KIAA1549L: variants seen among roughly 807,000 people sequenced by gnomAD.
The protein encoded by KIAA1549L is KIAA1549 like, also known as UPF0606 protein KIAA1549L.
A neutral mutation model predicts 160.7 loss-of-function variants in KIAA1549L; 88 were observed. The observed-to-expected ratio is 0.55, with a 90% CI of 0.46 to 0.65. The LOEUF is 0.65. Among genes scored for constraint, KIAA1549L ranks in the 30% least tolerant of loss-of-function variants. The pLI, the probability that KIAA1549L is intolerant of heterozygous loss-of-function variation, is 0.00. For synonymous variants in KIAA1549L, 950 were observed against 976.7 expected, an observed-to-expected ratio of 0.97 and a Z score of 0.51; for missense variants, 2,258 against 2,437.5, an observed-to-expected ratio of 0.93 and a Z score of 1.55.
chr11:33,622,099 T>C (rs1296371958), intron 16 of KIAA1549L, among the ~76,000 whole-genome samples: 1 of 152,182 alleles, frequency 6.6e-6, no homozygotes, highest in Admixed American at 6.5e-5. Flanking sequence ...GATTCATTGG[T>C]GCATCTCAAA....
intron 1 of KIAA1549L, among the ~76,000 whole-genome samples, chr11:33,448,691 T>A (rs576088932): frequency 6.6e-6 from 1 of 152,224 alleles, no homozygotes; most frequent in Admixed American, 6.5e-5. Context: ...AGTGCTTTTC[T>A]GTGACCTCTG....
At chr11:33,592,885 A>C (rs1850098694) in intron 12 of KIAA1549L, among the ~76,000 whole-genome samples, 1 of 152,228 alleles carries the variant, frequency 6.6e-6, no homozygotes, top group African/African-American at 2.4e-5. Context: ...GGAATGTACG[A>C]AACAGATGGA....
At chr11:33,577,095 G>A (rs1393476196) in intron 10 of KIAA1549L, among the ~76,000 whole-genome samples, 1 of 152,208 alleles carries the variant, frequency 6.6e-6, no homozygotes, top group Non-Finnish European at 1.5e-5. Flanking sequence ...TGGGAGGAGA[G>A]TGTGGGGTTC....
intron 1 of KIAA1549L, among the ~76,000 whole-genome samples, chr11:33,535,673 C>G (rs534113849): frequency 7.9e-5 from 12 of 151,774 alleles, no homozygotes; most frequent in African/African-American, 1.5e-4. Flanking sequence ...CCCTGTCCCC[C>G]CTCCAAAAAA....
At chr11:33,496,007 G>T (rs1852809853) in intron 1 of KIAA1549L, among the ~76,000 whole-genome samples, 1 of 152,280 alleles carries the variant, frequency 6.6e-6, no homozygotes, top group African/African-American at 2.4e-5. Context: ...CTGTCGCCCA[G>T]GCTGGAGTGC....
intron 1 of KIAA1549L, among the ~76,000 whole-genome samples, chr11:33,435,961 T>A (rs1393277704): frequency 1.5e-4 from 18 of 116,152 alleles, no homozygotes; most frequent in South Asian, 2.7e-4. Context: ...CTAAAATATC[T>A]AAAAAAAAAA....
intron 1 of KIAA1549L, among the ~76,000 whole-genome samples, chr11:33,522,314 C>T (rs543696928): frequency 2.0e-5 from 3 of 152,178 alleles, no homozygotes; most frequent in East Asian, 3.9e-4. Flanking sequence ...ATATTAATGG[C>T]GTTAGACTTC....
Position 33,672,113 on chromosome 11 carries a change from A to G in KIAA1549L, c.*3959A>G, listed in dbSNP as rs529029183. On this transcript the variant is annotated 3_prime_UTR_variant, in exon 21 of 21. Coordinates refer to ENST00000658780, the MANE Select transcript of KIAA1549L (RefSeq NM_012194.3). ...CAAACACAGAACACGGCTCCCCTAC[A>G]GGAAAGGGATGGAGACAGCTACCTT... 74 of 152,384 alleles carry G rather than the reference A, an allele frequency of 4.9e-4. No individual in the cohort carries two copies. The highest frequency in any genetic ancestry group is 1.7e-3 in the African/African-American group (69 of 41,586). The allele number at this position is 152,384 out of a possible 1,614,324, so 9.4% of individuals were successfully genotyped here.
intron 1 of KIAA1549L, among the ~76,000 whole-genome samples, chr11:33,402,345 T>G (rs1850519954): frequency 6.6e-6 from 1 of 152,202 alleles, no homozygotes; most frequent in Non-Finnish European, 1.5e-5. Flanking sequence ...TTCTGTCTCC[T>G]TAATGTTTCC....
intron 1 of KIAA1549L, among the ~76,000 whole-genome samples, chr11:33,408,392 A>G (rs1850712521): frequency 6.6e-6 from 1 of 151,464 alleles, no homozygotes; most frequent in Non-Finnish European, 1.5e-5. Flanking sequence ...GCAAAATTGG[A>G]TTCAGTGATA....
In KIAA1549L at chr11:33,660,371, T is replaced by C. The variant is rs571335530; in HGVS notation, c.6008-492T>C. Among the ~76,000 whole-genome samples the C allele has an allele frequency of 1.2e-4, 18 of 151,922 alleles. No homozygotes were observed. The South Asian group carries it at 3.5e-3, about 30-fold the overall frequency. ...GGCAGGCGGATCACAAGGTCAGGAG[T>C]TCGAGACCACGGTGAAACCCCATCT... On this transcript the variant is annotated intron_variant, in intron 19 of 20. Coordinates refer to ENST00000658780, the MANE Select transcript of KIAA1549L (RefSeq NM_012194.3).
chr11:33,476,777 A>G (rs969427694), intron 1 of KIAA1549L, among the ~76,000 whole-genome samples: 8 of 152,206 alleles, frequency 5.3e-5, no homozygotes, highest in African/African-American at 1.9e-4. Flanking sequence ...GCACCCTATT[A>G]CAAATAAACT....
At chr11:33,435,357 A>G (rs1336581318) in intron 1 of KIAA1549L, among the ~76,000 whole-genome samples, 2 of 152,208 alleles carry the variant, frequency 1.3e-5, no homozygotes, top group Non-Finnish European at 2.9e-5. Flanking sequence ...CTTTATAGAA[A>G]GACAGTAAAA....
intron 1 of KIAA1549L, among the ~76,000 whole-genome samples, chr11:33,489,957 A>AT (rs980788032): frequency 3.3e-5 from 5 of 152,228 alleles, no homozygotes; most frequent in African/African-American, 1.2e-4. Context: ...ATACATTCTC[A>AT]TAATAATCTT....
chr11:33,605,771 A>C (rs568405326), intron 13 of KIAA1549L, among the ~76,000 whole-genome samples: 150 of 152,358 alleles, frequency 9.8e-4, no homozygotes, highest in African/African-American at 3.6e-3. Flanking sequence ...TAGTTGTTTG[A>C]ATAGGCTTAA....
Position 33,508,352 on chromosome 11 carries a change from G to A in KIAA1549L, c.239-33450G>A, listed in dbSNP as rs180964681. The stretch of plus-strand genomic sequence containing the variant: ...CACAGATAAGGGACCTCAGGCACTG[G>A]CCTCTTCTCTTTCCCCTTCCTTGTC... On this transcript the variant is annotated intron_variant, in intron 1 of 20. Transcript: ENST00000658780. 6.6e-5 allele frequency among the ~76,000 whole-genome samples: 10 copies of A among 152,286 alleles called. No homozygotes were observed. In the East Asian group the frequency reaches 1.9e-3, roughly 29 times the overall value.
rs186461733 is a variant in KIAA1549L at position 33,527,293 on chromosome 11, C to T, written c.239-14509C>T. 1.1e-3 allele frequency among the ~76,000 whole-genome samples: 172 copies of T among 152,252 alleles called. 1 individual carries two copies. Among genetic ancestry groups the T allele is most frequent in the Non-Finnish European group, 2.5e-4 (17 of 68,012 alleles). On this transcript the variant is annotated intron_variant, in intron 1 of 20. Transcript: ENST00000658780. Reference sequence around the variant, plus strand: ...GAGAACCCAGAAATAAAGCCAAATACGTATAGCCAACTGATCTTCAACAAA... The same window carrying T: ...GAGAACCCAGAAATAAAGCCAAATATGTATAGCCAACTGATCTTCAACAAA...
At position 33,452,941 on chromosome 11, in the gene KIAA1549L, A is replaced by G. The variant is rs562105317; in HGVS notation, c.238+76052A>G. Among the ~76,000 whole-genome samples, 174 of 152,262 alleles carry G rather than the reference A, an allele frequency of 1.1e-3. 1 individual carries two copies. Among genetic ancestry groups the G allele is most frequent in the South Asian group, 8.3e-3 (40 of 4,816 alleles). ...GAAGTGAGAGCTTTCCTTCCTGCGG[A>G]CACACTCCCTCCTGCCCATTTTGGT... On this transcript the variant is annotated intron_variant, in intron 1 of 20. Coordinates refer to ENST00000658780, the MANE Select transcript of KIAA1549L (RefSeq NM_012194.3).
At chr11:33,586,102 C>G (rs1011994293) in intron 11 of KIAA1549L, among the ~76,000 whole-genome samples, 1 of 152,220 alleles carries the variant, frequency 6.6e-6, no homozygotes, top group East Asian at 1.9e-4. Context: ...TTCTCACCAC[C>G]TTGTGTGTGT....
Sources: allele counts gnomAD v4.1 joint callset (sites outside exome capture counted in the v4.1 genomes callset), GRCh38; gene constraint gnomAD v4.1.1; transcripts MANE v1.5; gene names NCBI Gene and HGNC (gene_info 2026-07-23, HGNC 2026-07-21).